Variants in WDR70 observed in about 807,000 individuals in gnomAD.
WDR70 encodes the protein WD repeat-containing protein 70.
WDR70 carries 53 observed loss-of-function variants against 88.6 expected under a neutral mutation model. The observed-to-expected ratio is 0.60, with a 90% confidence interval of 0.48 to 0.75. WDR70 has a LOEUF of 0.75. Ranked by LOEUF, WDR70 falls within the 30% of genes least tolerant of loss-of-function variation. The pLI, the probability that WDR70 is intolerant of heterozygous loss-of-function variation, is 0.00. For synonymous variants in WDR70, 280 were observed against 270.0 expected, an observed-to-expected ratio of 1.04 and a Z score of -0.36; for missense variants, 610 against 823.2, an observed-to-expected ratio of 0.74 and a Z score of 3.17.
At chr5:37,507,033 C>T (rs561769209) in intron 8 of WDR70, among the ~76,000 whole-genome samples, 12 of 152,162 alleles carry the variant, frequency 7.9e-5, no homozygotes, top group African/African-American at 2.4e-4. Flanking sequence ...ACCCAGGGCT[C>T]GGCCAGTCTT....
At chr5:37,710,056 G>T (rs1396623716) in intron 13 of WDR70, among the ~76,000 whole-genome samples, 1 of 151,800 alleles carries the variant, frequency 6.6e-6, no homozygotes, top group African/African-American at 2.4e-5. Context: ...ATGTTTATTT[G>T]TAGGCACATG....
chr5:37,462,246 T>C (rs937958304), intron 7 of WDR70, among the ~76,000 whole-genome samples: 4 of 152,256 alleles, frequency 2.6e-5, no homozygotes, highest in Admixed American at 2.0e-4. Context: ...GAATCAACCT[T>C]ATATTGACAA....
chr5:37,460,690 T>TA (rs70978819), intron 7 of WDR70, among the ~76,000 whole-genome samples: 109,458 of 121,042 alleles, frequency 0.9, 49,659 homozygotes, highest in East Asian at 1. Flanking sequence ...TAGAGTATAA[T>TA]AAAAAAAAAC....
At chr5:37,527,423 T>C (rs1741318830) in intron 9 of WDR70, among the ~76,000 whole-genome samples, 1 of 152,238 alleles carries the variant, frequency 6.6e-6, no homozygotes, top group Non-Finnish European at 1.5e-5. Context: ...GAAAACTGGC[T>C]AGCCATATGT....
chr5:37,379,419 G>C (rs778438273), intron 1 of WDR70, 27 bp downstream of exon 1: 3 of 1,613,668 alleles, frequency 1.9e-6, no homozygotes, highest in Non-Finnish European at 2.5e-6. Context: ...GAGTCCGGGC[G>C]GGGTGGGCCG....
intron 5 of WDR70, among the ~76,000 whole-genome samples, chr5:37,413,424 A>T (rs1042788520): frequency 6.6e-6 from 1 of 152,166 alleles, no homozygotes; most frequent in African/African-American, 2.4e-5. Context: ...CTTTTTAGAT[A>T]AGTAACAGAG....
At chr5:37,528,992 T>G (rs1741399065) in intron 9 of WDR70, among the ~76,000 whole-genome samples, 1 of 151,870 alleles carries the variant, frequency 6.6e-6, no homozygotes, top group African/African-American at 2.4e-5. Context: ...TTGAGTTGAT[T>G]TTTGTATAAG....
chr5:37,616,278 G>A (rs1372311957), intron 10 of WDR70, among the ~76,000 whole-genome samples: 2 of 151,792 alleles, frequency 1.3e-5, no homozygotes, highest in Non-Finnish European at 2.9e-5. Context: ...CACCATGCCC[G>A]GCTAATTTTT....
intron 9 of WDR70, among the ~76,000 whole-genome samples, chr5:37,590,070 A>G (rs1581417862): frequency 6.6e-6 from 1 of 152,094 alleles, no homozygotes; most frequent in African/African-American, 2.4e-5. Context: ...TCCTTATCTG[A>G]GGTTTGCTGA....
chr5:37,660,020 T>C (rs1316635077), intron 10 of WDR70, among the ~76,000 whole-genome samples: 1 of 152,242 alleles, frequency 6.6e-6, no homozygotes, highest in Non-Finnish European at 1.5e-5. Context: ...TTTTGTGATT[T>C]ATTTTTGAAC....
chr5:37,468,126 G>A (rs1469875636), intron 7 of WDR70, among the ~76,000 whole-genome samples: 4 of 152,210 alleles, frequency 2.6e-5, no homozygotes, highest in Admixed American at 2.0e-4. Context: ...TAGGATTACA[G>A]GCATGAGCCA....
chr5:37,609,763 G>A (rs1181656232), intron 10 of WDR70, among the ~76,000 whole-genome samples: 1 of 152,138 alleles, frequency 6.6e-6, no homozygotes, highest in Non-Finnish European at 1.5e-5. Context: ...TCCCCAGCTC[G>A]GTTGGCTGTT....
At chr5:37,677,255 G>A (rs375088325) in intron 10 of WDR70, among the ~76,000 whole-genome samples, 2 of 151,854 alleles carry the variant, frequency 1.3e-5, no homozygotes, top group African/African-American at 4.8e-5. Context: ...TCTGATTTTA[G>A]TTATTTCTTG....
chr5:37,407,858 C>T (rs545682397), intron 5 of WDR70, among the ~76,000 whole-genome samples: 1 of 151,972 alleles, frequency 6.6e-6, no homozygotes, highest in African/African-American at 2.4e-5. Context: ...CATGCTTTTA[C>T]AGTATGATGC....
chr5:37,579,203 G>T (rs1743147271), intron 9 of WDR70, among the ~76,000 whole-genome samples: 1 of 152,160 alleles, frequency 6.6e-6, no homozygotes, highest in Non-Finnish European at 1.5e-5. Context: ...CTTTTTGACT[G>T]AATGGAAGGA....
At chr5:37,730,327 TG>T (rs1307155614) in intron 17 of WDR70, among the ~76,000 whole-genome samples, 4 of 152,172 alleles carry the variant, frequency 2.6e-5, no homozygotes, top group African/African-American at 9.6e-5. Context: ...TTTTGAAATT[TG>T]AATTGATCAG....
intron 7 of WDR70, among the ~76,000 whole-genome samples, chr5:37,447,839 T>G (rs1469344443): frequency 6.6e-6 from 1 of 152,104 alleles, no homozygotes; most frequent in East Asian, 1.9e-4. Context: ...CTAGTGTAAA[T>G]GACGAGTTAA....
Position 37,701,785 on chromosome 5 carries a change from CAAAA to C in WDR70, c.1277+661_1277+664del, listed in dbSNP as rs58402399. 1.0e-3 allele frequency among the ~76,000 whole-genome samples: 119 copies of C among 115,048 alleles called. 2 individuals carry two copies. The highest frequency in any genetic ancestry group is 4.1e-3 in the Middle Eastern group (1 of 246). The allele number at this position is 115,048 out of a possible 152,430, so 75.5% of individuals were successfully genotyped here. A position where few individuals can be genotyped will look rare whatever the true frequency, so the allele number is the denominator to read the frequency against. ...TGGGGGACAGAGCCAGACTCCATCT[CAAAA>C]AAAAAAAAAAAAAAAAATTGAGCTC... On this transcript the variant is annotated intron_variant, in intron 12 of 17. Coordinates refer to ENST00000265107, the MANE Select transcript of WDR70 (RefSeq NM_018034.4).
intron 7 of WDR70, among the ~76,000 whole-genome samples, chr5:37,459,520 C>T (rs1401685066): frequency 1.1e-5 from 1 of 90,274 alleles, no homozygotes; most frequent in African/African-American, 3.4e-5. Flanking sequence ...CTTCCTTACA[C>T]CTTATACAAA....
Sources: allele counts gnomAD v4.1 joint callset (sites outside exome capture counted in the v4.1 genomes callset), GRCh38; gene constraint gnomAD v4.1.1; transcripts MANE v1.5; gene names NCBI Gene and HGNC (gene_info 2026-07-23, HGNC 2026-07-21).